Variants in LPA observed in about 807,000 individuals in gnomAD.
LPA encodes the protein lipoprotein(a).
Under a neutral mutation model 197.9 loss-of-function variants are expected in LPA, and 199 were observed. That is an observed-to-expected ratio of 1.01 (90% confidence interval 0.90 to 1.13). The LOEUF is 1.13. LPA is among the 50% of genes most tolerant of loss of function. The pLI, the probability that LPA is intolerant of heterozygous loss-of-function variation, is 0.00. For missense variants in LPA, 1,853 were observed against 1,785.8 expected (o/e 1.04, Z -0.68); for synonymous variants, 715 against 639.5 (o/e 1.12, Z -1.78).
chr6:160,590,757 C>G (rs41272068), intron 23 of LPA, among the ~76,000 whole-genome samples, 187 bp downstream of exon 23: 218 of 152,246 alleles, frequency 1.4e-3, no homozygotes, highest in African/African-American at 5.0e-3. Flanking sequence ...ACCACCCTGT[C>G]ACGGGGTGCC....
chr6:160,650,156 A>G (rs558073494), intron 2 of LPA, among the ~76,000 whole-genome samples, 182 bp downstream of exon 2: 2 of 152,362 alleles, frequency 1.3e-5, no homozygotes, highest in Non-Finnish European at 2.9e-5. Flanking sequence ...CTCAGGAAAG[A>G]GAGCCAGCTT....
Position 160,603,716 on chromosome 6 carries a change from C to G in LPA, c.2945+1330G>C, listed in dbSNP as rs41270988. Among the ~76,000 whole-genome samples the G allele has an allele frequency of 0.01, 1,537 of 152,320 alleles. 29 individuals carry two copies. The Middle Eastern group carries it at 0.13, about 13-fold the overall frequency. On this transcript the variant is annotated intron_variant, in intron 18 of 38. Transcript: ENST00000316300. ...CTGTGAACACCACATAGCTGAGCCACTTGACTTTGTTGTTTACCTCTAAAG... is the reference window on the plus strand; with the variant it reads ...CTGTGAACACCACATAGCTGAGCCAGTTGACTTTGTTGTTTACCTCTAAAG...
intron 18 of LPA, 146 bp from the exon 19 acceptor site, chr6:160,601,244 T>C (rs987081209): frequency 2.8e-6 from 2 of 718,426 alleles, no homozygotes; most frequent in African/African-American, 1.7e-5. Flanking sequence ...CAAATGGCTC[T>C]CAATCTCTAA....
At chr6:160,663,720 C>T (rs1203951067) in intron 1 of LPA, among the ~76,000 whole-genome samples, 1 of 152,210 alleles carries the variant, frequency 6.6e-6, no homozygotes, top group Non-Finnish European at 1.5e-5. Flanking sequence ...TGCTGAGTCC[C>T]ACTCCATGAA....
intron 28 of LPA, among the ~76,000 whole-genome samples, chr6:160,559,813 TA>T (rs1444048607): frequency 1.3e-5 from 2 of 152,208 alleles, no homozygotes; most frequent in African/African-American, 4.8e-5. Flanking sequence ...TATTATACTT[TA>T]AGTTCTGAGA....
In LPA at chr6:160,572,675, C is replaced by T. The variant is rs1278421219; in HGVS notation, c.4631+4461G>A. On this transcript the variant is annotated intron_variant, in intron 28 of 38. Transcript: ENST00000316300. ...TTCCTTCATATATGATGCTTACTTT[C>T]GCTGGATACAAAATTCTTGACTGAT... 6.6e-5 allele frequency among the ~76,000 whole-genome samples: 10 copies of T among 152,098 alleles called. 1 individual carries two copies. In the South Asian group the frequency reaches 1.2e-3, roughly 19 times the overall value.
intron 23 of LPA, 45 bp downstream of exon 23, chr6:160,590,899 A>G: frequency 6.2e-7 from 1 of 1,613,254 alleles, no homozygotes; most frequent in Non-Finnish European, 8.5e-7. Context: ...AACTCTTTTT[A>G]TCCCAACGTC....
intron 2 of LPA, among the ~76,000 whole-genome samples, chr6:160,647,076 A>G (rs117629249): frequency 0.018 from 2,745 of 152,264 alleles, 36 homozygotes; most frequent in Non-Finnish European, 0.028. Flanking sequence ...TCCCAGGCAG[A>G]ATGCAGTATC....
At chr6:160,654,255 G>T (rs1744426227) in intron 1 of LPA, among the ~76,000 whole-genome samples, 1 of 147,298 alleles carries the variant, frequency 6.8e-6, no homozygotes, top group Non-Finnish European at 1.5e-5. Context: ...TCAAGAGCAG[G>T]AAGCATTTGG....
At chr6:160,650,290 A>G in intron 2 of LPA, 48 bp downstream of exon 2, 1 of 1,605,694 alleles carries the variant, frequency 6.2e-7, no homozygotes, top group South Asian at 1.1e-5. Flanking sequence ...TTTCTAAGAC[A>G]AATTTTACTT....
intron 26 of LPA, 34 bp downstream of exon 26, chr6:160,585,012 A>G (rs1358183385): frequency 3.7e-6 from 6 of 1,611,230 alleles, no homozygotes; most frequent in Non-Finnish European, 5.1e-6. Context: ...TTAGTTGACT[A>G]TTGTTCCTTT....
At chr6:160,557,648 TA>T in intron 28 of LPA, 77 bp from the exon 29 acceptor site, 1 of 1,299,686 alleles carries the variant, frequency 7.7e-7, no homozygotes, top group Non-Finnish European at 1.1e-6. Context: ...TAAACTTTGT[TA>T]TAACAAAGTG....
At chr6:160,596,233 T>C (rs2115049909) in intron 20 of LPA, among the ~76,000 whole-genome samples, 1 of 152,336 alleles carries the variant, frequency 6.6e-6, no homozygotes, top group African/African-American at 2.4e-5. Context: ...CTCATTGGTC[T>C]GTCATTTGTT....
chr6:160,578,878 A>T (rs529600413), intron 26 of LPA, among the ~76,000 whole-genome samples, 174 bp from the exon 27 acceptor site: 39 of 152,304 alleles, frequency 2.6e-4, no homozygotes, highest in African/African-American at 9.4e-4. Context: ...CTTTTAAACA[A>T]CTGTGGACAC....
intron 36 of LPA, among the ~76,000 whole-genome samples, chr6:160,539,243 T>A (rs1470901143): frequency 6.6e-6 from 1 of 152,176 alleles, no homozygotes. Context: ...CCTTGTCACC[T>A]GTCCCAAACC....
intron 30 of LPA, among the ~76,000 whole-genome samples, chr6:160,552,322 G>A (rs978136418): frequency 3.9e-5 from 6 of 152,060 alleles, no homozygotes; most frequent in Non-Finnish European, 5.9e-5. Context: ...TTGGGTGTGG[G>A]TTTCATCCAA....
At chr6:160,557,694 T>A in intron 28 of LPA, 123 bp from the exon 29 acceptor site, 1 of 809,110 alleles carries the variant, frequency 1.2e-6, no homozygotes, top group Non-Finnish European at 2.1e-6. Context: ...CCATTTTAGG[T>A]ACAATAATAT....
intron 18 of LPA, among the ~76,000 whole-genome samples, chr6:160,602,138 TC>T (rs569369536): frequency 3.2e-4 from 49 of 152,312 alleles, no homozygotes; most frequent in Admixed American, 2.4e-3. Flanking sequence ...TGTGACCTAG[TC>T]TCAAGCCCAG....
At chr6:160,553,967 G>GCA (rs1320848119) in intron 30 of LPA, among the ~76,000 whole-genome samples, 79 of 148,900 alleles carry the variant, frequency 5.3e-4, no homozygotes, top group Admixed American at 2.7e-3. Flanking sequence ...GCGCGCGCGC[G>GCA]TGTGCGTGTG....
Sources: allele counts gnomAD v4.1 joint callset (sites outside exome capture counted in the v4.1 genomes callset), GRCh38; gene constraint gnomAD v4.1.1; transcripts MANE v1.5; gene names NCBI Gene and HGNC (gene_info 2026-07-23, HGNC 2026-07-21).